Variants in CSMD1 observed in about 807,000 individuals in gnomAD.
CSMD1 encodes CUB and Sushi multiple domains 1, also known as CUB and sushi domain-containing protein 1.
CSMD1 carries 213 observed loss-of-function variants against 417.5 expected under a neutral mutation model. That is an observed-to-expected ratio of 0.51 (90% CI 0.46 to 0.57). The LOEUF (loss-of-function observed/expected upper bound fraction) is 0.57, where lower values mean the gene tolerates loss of function less well. Ranked by LOEUF, CSMD1 falls within the 20% of genes least tolerant of loss-of-function variation. The pLI is 0.00. For missense variants in CSMD1, 6,923 were observed against 4,529.7 expected, an observed-to-expected ratio of 1.53 and a Z score of -15.17; for synonymous variants, 2,862 against 1,736.8, an observed-to-expected ratio of 1.65 and a Z score of -16.11.
chr8:4,788,661 TG>T lies in CSMD1; in HGVS notation c.86-151104del, dbSNP rs1797535551. 4.7e-6 allele frequency: 3 copies of T among 632,210 alleles called. No individual in the cohort carries two copies. The East Asian group carries it at 7.8e-5, about 17-fold the overall frequency. 39.2% of individuals were successfully genotyped at this position (632,210 alleles called of 1,614,324 possible). On this transcript the variant is annotated intron_variant, in intron 1 of 69. Coordinates refer to ENST00000635120, the MANE Select transcript of CSMD1 (RefSeq NM_033225.6). ...TTAGCTGAAGGAAAATCAAGCAATA[TG>T]AAAAGGTAATTATAAATTAGAGAAC...
At chr8:3,911,736 C>G (rs748620769) in intron 5 of CSMD1, among the ~76,000 whole-genome samples, 1 of 152,088 alleles carries the variant, frequency 6.6e-6, no homozygotes, top group East Asian at 1.9e-4. Flanking sequence ...CTCCTTTATT[C>G]TAAGACTTTT....
intron 1 of CSMD1, among the ~76,000 whole-genome samples, chr8:4,829,923 G>C (rs1285791437): frequency 2.0e-5 from 3 of 152,056 alleles, no homozygotes; most frequent in Non-Finnish European, 2.9e-5. Flanking sequence ...GCCCTGTTTA[G>C]AGGCCTTCTG....
At chr8:4,358,825 G>C (rs770655896) in intron 3 of CSMD1, among the ~76,000 whole-genome samples, 2 of 152,102 alleles carry the variant, frequency 1.3e-5, no homozygotes, top group Admixed American at 6.5e-5. Flanking sequence ...TCACGTAAGA[G>C]TGCCTTGGTT....
At chr8:3,873,498 A>T (rs1447281059) in intron 5 of CSMD1, among the ~76,000 whole-genome samples, 1 of 152,116 alleles carries the variant, frequency 6.6e-6, no homozygotes, top group African/African-American at 2.4e-5. Context: ...GTGGAAGGTG[A>T]ATAATAAGAA....
chr8:4,130,083 G>C (rs527922583), intron 3 of CSMD1, among the ~76,000 whole-genome samples: 3 of 152,142 alleles, frequency 2.0e-5, no homozygotes, highest in Non-Finnish European at 2.9e-5. Context: ...GTGTGTGTGT[G>C]AGAGGAGGGC....
intron 2 of CSMD1, among the ~76,000 whole-genome samples, chr8:4,590,228 A>G (rs1799917084): frequency 6.6e-6 from 1 of 152,016 alleles, no homozygotes; most frequent in South Asian, 2.1e-4. Context: ...GTGTTACAAG[A>G]GTAGTGTCTA....
chr8:3,184,077 G>C (rs1821599554), intron 36 of CSMD1, among the ~76,000 whole-genome samples: 1 of 152,104 alleles, frequency 6.6e-6, no homozygotes, highest in Non-Finnish European at 1.5e-5. Context: ...TTGGCCCAAA[G>C]ACCCTGCATG....
intron 3 of CSMD1, among the ~76,000 whole-genome samples, chr8:4,352,370 A>C (rs1801148810): frequency 6.6e-6 from 1 of 152,252 alleles, no homozygotes; most frequent in African/African-American, 2.4e-5. Flanking sequence ...ATTCACAAAC[A>C]GCAATAAATA....
intron 1 of CSMD1, among the ~76,000 whole-genome samples, chr8:4,883,208 C>G (rs1423056916): frequency 6.6e-6 from 1 of 152,024 alleles, no homozygotes; most frequent in Non-Finnish European, 1.5e-5. Context: ...AACATGACGT[C>G]TACCAGAGCA....
intron 5 of CSMD1, among the ~76,000 whole-genome samples, chr8:3,910,339 A>G (rs1431567121): frequency 6.6e-6 from 1 of 152,152 alleles, no homozygotes; most frequent in African/African-American, 2.4e-5. Context: ...CAAACTGACG[A>G]CAGGGTGGCA....
intron 1 of CSMD1, among the ~76,000 whole-genome samples, chr8:4,978,150 A>C (rs1810671974): frequency 6.6e-6 from 1 of 152,204 alleles, no homozygotes; most frequent in Non-Finnish European, 1.5e-5. Context: ...CCCTGGAAGA[A>C]ACATCTAATT....
intron 1 of CSMD1, among the ~76,000 whole-genome samples, chr8:4,687,943 T>C (rs1437254893): frequency 1.3e-5 from 2 of 152,200 alleles, no homozygotes; most frequent in African/African-American, 2.4e-5. Flanking sequence ...ATCTTTCACA[T>C]CCTAGACATT....
intron 11 of CSMD1, among the ~76,000 whole-genome samples, chr8:3,471,487 T>A (rs554447612): frequency 1.0e-5 from 1 of 95,604 alleles, no homozygotes; most frequent in South Asian, 3.2e-4. Context: ...CTTAGTTCCT[T>A]CCTTCTTTCC....
intron 5 of CSMD1, among the ~76,000 whole-genome samples, chr8:3,834,200 T>A (rs902456296): frequency 3.9e-5 from 6 of 152,260 alleles, no homozygotes; most frequent in African/African-American, 7.2e-5. Context: ...TATTTTAAAA[T>A]TTTTTTTCTT....
intron 3 of CSMD1, among the ~76,000 whole-genome samples, chr8:4,415,487 A>G (rs556609552): frequency 1.3e-5 from 2 of 152,192 alleles, no homozygotes; most frequent in South Asian, 4.1e-4. Context: ...TGGCCTCTAC[A>G]TGGCCCACGT....
intron 5 of CSMD1, among the ~76,000 whole-genome samples, chr8:3,994,678 C>T (rs1000306993): frequency 4.6e-5 from 7 of 152,026 alleles, no homozygotes; most frequent in Admixed American, 6.6e-5. Flanking sequence ...GCTTAAATTA[C>T]GAACCCAACG....
At chr8:3,963,953 T>G (rs964457090) in intron 5 of CSMD1, among the ~76,000 whole-genome samples, 1 of 152,218 alleles carries the variant, frequency 6.6e-6, no homozygotes, top group Admixed American at 6.5e-5. Flanking sequence ...AAGAAAAAGT[T>G]CGTTGGATTT....
intron 1 of CSMD1, among the ~76,000 whole-genome samples, chr8:4,663,002 G>C (rs1804696786): frequency 6.6e-6 from 1 of 152,202 alleles, no homozygotes; most frequent in South Asian, 2.1e-4. Context: ...GAAGGCTTTT[G>C]TTTTGTTTTG....
intron 3 of CSMD1, among the ~76,000 whole-genome samples, chr8:4,049,658 G>A (rs2740893): frequency 0.9 from 137,536 of 152,162 alleles, 62,345 homozygotes; most frequent in East Asian, 0.99. Context: ...TTTACTAATC[G>A]ACAAGCATAG....
Sources: gnomAD v4.1 joint callset for allele counts (sites outside exome capture counted in the v4.1 genomes callset) on GRCh38, gnomAD v4.1.1 for gene constraint, MANE v1.5 for transcripts, NCBI Gene and HGNC (gene_info 2026-07-23, HGNC 2026-07-21) for gene names.